INPP4B: variants seen among roughly 807,000 people sequenced by gnomAD.
The protein encoded by INPP4B is inositol polyphosphate 4-phosphatase type II.
INPP4B carries 55 observed loss-of-function variants against 122.5 expected under a neutral mutation model. The ratio of observed to expected loss-of-function variants is 0.45; its 90% confidence interval spans 0.36 to 0.56. The LOEUF (loss-of-function observed/expected upper bound fraction) is 0.56, where lower values mean the gene tolerates loss of function less well. Ranked by LOEUF, INPP4B falls within the 20% of genes least tolerant of loss-of-function variation. The pLI is 0.00. For synonymous variants in INPP4B, 403 were observed against 388.7 expected, an observed-to-expected ratio of 1.04 and a Z score of -0.43; for missense variants, 1,000 against 1,097.7, an observed-to-expected ratio of 0.91 and a Z score of 1.26.
intron 1 of INPP4B, among the ~76,000 whole-genome samples, chr4:142,753,972 C>G (rs1339646693): frequency 6.6e-6 from 1 of 152,012 alleles, no homozygotes; most frequent in Non-Finnish European, 1.5e-5. Flanking sequence ...AACGCCCAAT[C>G]CAGCTCCTAA....
At chr4:142,679,917 C>A (rs532928525) in intron 2 of INPP4B, among the ~76,000 whole-genome samples, 1 of 151,736 alleles carries the variant, frequency 6.6e-6, no homozygotes, top group South Asian at 2.1e-4. Flanking sequence ...AAAATAGATA[C>A]CCTACGGTAT....
chr4:142,110,763 G>A (rs1162603000), intron 22 of INPP4B, among the ~76,000 whole-genome samples: 1 of 152,024 alleles, frequency 6.6e-6, no homozygotes, highest in East Asian at 1.9e-4. Context: ...AGGAAGGAAA[G>A]GACACTTCTT....
intron 1 of INPP4B, among the ~76,000 whole-genome samples, chr4:142,845,387 C>T (rs757982067): frequency 6.6e-6 from 1 of 152,160 alleles, no homozygotes; most frequent in Non-Finnish European, 1.5e-5. Context: ...AGACATTCCC[C>T]GGCCCTGGGC....
chr4:142,452,549 A>G (rs540778901), intron 3 of INPP4B, among the ~76,000 whole-genome samples: 2 of 152,226 alleles, frequency 1.3e-5, no homozygotes, highest in Non-Finnish European at 2.9e-5. Flanking sequence ...TTGAAGAGGT[A>G]TAAAGAAACT....
intron 19 of INPP4B, among the ~76,000 whole-genome samples, chr4:142,123,719 C>T (rs1020348970): frequency 2.0e-5 from 3 of 152,018 alleles, no homozygotes; most frequent in African/African-American, 7.2e-5. Flanking sequence ...TTAAGCACTT[C>T]CAAATCTTAC....
intron 2 of INPP4B, among the ~76,000 whole-genome samples, chr4:142,515,974 T>C (rs2149892374): frequency 6.6e-6 from 1 of 152,282 alleles, no homozygotes; most frequent in African/African-American, 2.4e-5. Flanking sequence ...AATAAACACA[T>C]TTAAAATGCT....
At chr4:142,537,269 T>C (rs974127608) in intron 2 of INPP4B, among the ~76,000 whole-genome samples, 6 of 151,294 alleles carry the variant, frequency 4.0e-5, no homozygotes, top group African/African-American at 1.2e-4. Flanking sequence ...TGAGAATGGA[T>C]GGACAGGGCT....
intron 1 of INPP4B, among the ~76,000 whole-genome samples, chr4:142,749,843 C>A (rs900941888): frequency 6.7e-6 from 1 of 148,668 alleles, no homozygotes; most frequent in African/African-American, 2.5e-5. Context: ...TAAATTAATA[C>A]AAGAGAACAG....
intron 1 of INPP4B, among the ~76,000 whole-genome samples, chr4:142,754,292 T>C (rs1008775643): frequency 6.6e-6 from 1 of 152,072 alleles, no homozygotes; most frequent in Admixed American, 6.6e-5. Context: ...AGGACATCTT[T>C]TACTAGTGAG....
chr4:142,450,117 C>T (rs548362538), intron 3 of INPP4B, among the ~76,000 whole-genome samples: 1 of 152,300 alleles, frequency 6.6e-6, no homozygotes, highest in South Asian at 2.1e-4. Context: ...GATTCTGTCC[C>T]CAGCTCTCAC....
At position 142,124,546 on chromosome 4, in the gene INPP4B, A is replaced by T. The variant is rs756945206; in HGVS notation, c.1893+42T>A. On this transcript the variant is annotated intron_variant, in intron 19 of 25. Transcript: ENST00000262992. The stretch of plus-strand genomic sequence containing the variant: ...CATCATCAAGGATAGGATGTTAACA[A>T]TCCGGCATTGTTTTGTACTAACAAT... 4.5e-6 allele frequency: 7 copies of T among 1,549,404 alleles called. No homozygotes were observed. The Admixed American group carries it at 6.7e-5, about 15-fold the overall frequency.
At chr4:142,576,942 C>A (rs546820773) in intron 2 of INPP4B, among the ~76,000 whole-genome samples, 76 of 152,164 alleles carry the variant, frequency 5.0e-4, no homozygotes, top group South Asian at 1.4e-3. Context: ...TCCATGTACA[C>A]ATGCACATAG....
At chr4:142,663,088 A>C (rs1191100778) in intron 2 of INPP4B, among the ~76,000 whole-genome samples, 1 of 152,220 alleles carries the variant, frequency 6.6e-6, no homozygotes, top group Admixed American at 6.5e-5. Flanking sequence ...TTACCAACTG[A>C]GAAATTGAAA....
At chr4:142,150,194 C>T (rs943260779) in intron 17 of INPP4B, among the ~76,000 whole-genome samples, 15 of 152,192 alleles carry the variant, frequency 9.9e-5, no homozygotes, top group Non-Finnish European at 1.9e-4. Context: ...ACTCTTCTTT[C>T]TTCTCTACTA....
chr4:142,709,392 G>A (rs1762842664), intron 2 of INPP4B, among the ~76,000 whole-genome samples: 1 of 152,122 alleles, frequency 6.6e-6, no homozygotes, highest in African/African-American at 2.4e-5. Context: ...GAGGCCAGAG[G>A]TGAAATAATA....
At chr4:142,572,442 G>A (rs527506306) in intron 2 of INPP4B, among the ~76,000 whole-genome samples, 11 of 152,078 alleles carry the variant, frequency 7.2e-5, no homozygotes, top group Admixed American at 3.3e-4. Context: ...GTGGGAAGTT[G>A]GAAAGACACC....
chr4:142,497,663 T>A (rs184633142), intron 2 of INPP4B, among the ~76,000 whole-genome samples: 1 of 152,318 alleles, frequency 6.6e-6, no homozygotes, highest in Non-Finnish European at 1.5e-5. Context: ...AAATTATTGG[T>A]TTGATTTTAA....
chr4:142,690,046 A>G (rs1759941788), intron 2 of INPP4B, among the ~76,000 whole-genome samples: 1 of 152,176 alleles, frequency 6.6e-6, no homozygotes, highest in Non-Finnish European at 1.5e-5. Flanking sequence ...TTTGAGTTTT[A>G]TTAAGCAACT....
intron 5 of INPP4B, among the ~76,000 whole-genome samples, chr4:142,408,969 T>C (rs1043661202): frequency 6.6e-6 from 1 of 152,180 alleles, no homozygotes; most frequent in Non-Finnish European, 1.5e-5. Flanking sequence ...AGGAATATAT[T>C]TTTAAACCAT....
Sources: allele counts gnomAD v4.1 joint callset (sites outside exome capture counted in the v4.1 genomes callset), GRCh38; gene constraint gnomAD v4.1.1; transcripts MANE v1.5; gene names NCBI Gene and HGNC (gene_info 2026-07-23, HGNC 2026-07-21).